SCARA3: variants seen among roughly 807,000 people sequenced by gnomAD.
The protein encoded by SCARA3 is scavenger receptor class A member 3.
Under a neutral mutation model 47.0 loss-of-function variants are expected in SCARA3, and 39 were observed. That is an observed-to-expected ratio of 0.83 (90% CI 0.64 to 1.08). The LOEUF (loss-of-function observed/expected upper bound fraction) is 1.08, where lower values mean the gene tolerates loss of function less well. Among genes scored for constraint, SCARA3 ranks in the 50% least tolerant of loss-of-function variants. SCARA3 has a pLI of 0.00. For synonymous variants in SCARA3, 356 were observed against 334.1 expected (o/e 1.07, Z -0.71); for missense variants, 724 against 792.3 (o/e 0.91, Z 1.04).
chr8:27,712,562 CA>C, the SCARA3 span, among the ~76,000 whole-genome samples: 12 of 107,228 alleles, frequency 1.1e-4, no homozygotes, highest in Admixed American at 3.2e-4. Flanking sequence ...GACTCCGTCT[CA>C]AAAAAAAAAA....
rs1801631770 is a variant in SCARA3 at position 27,651,535 on chromosome 8, GC to G, written c.136del (p.Gln46ArgfsTer44). The G allele has an allele frequency of 6.2e-7, 1 of 1,613,414 alleles. No homozygotes were observed. Among genetic ancestry groups the G allele is most frequent in the African/African-American group, 1.3e-5 (1 of 74,946 alleles). On this transcript the variant is annotated frameshift_variant, in exon 3 of 6. Transcript: ENST00000301904. LOFTEE classifies it high-confidence loss of function. The stretch of plus-strand genomic sequence containing the variant: ...CGGCCAGGGCCCCGCTGCAGCCGCT[GC>G]CAGAAGAACCTATCTTTGCACACAT... Reference protein sequence around the residue: ...KGRPGPRCSRCQKNLSLHTSV... With the variant: ...KGRPGPRCSRXQKNLSLHTSV...
chr8:27,682,404 T>C, the SCARA3 span, among the ~76,000 whole-genome samples: 2 of 152,238 alleles, frequency 1.3e-5, no homozygotes, highest in South Asian at 2.1e-4. Flanking sequence ...CCATAAAAAA[T>C]TGATAAGCTG....
At chr8:27,723,799 G>A in the SCARA3 span, among the ~76,000 whole-genome samples, 1 of 152,182 alleles carries the variant, frequency 6.6e-6, no homozygotes, top group African/African-American at 2.4e-5. Context: ...GCAACGGTGC[G>A]ATCTCAGCTC....
At chr8:27,655,185 G>A (rs771945189) in intron 3 of SCARA3, among the ~76,000 whole-genome samples, 2 of 152,094 alleles carry the variant, frequency 1.3e-5, no homozygotes, top group Non-Finnish European at 2.9e-5. Context: ...TAGAGTCATC[G>A]AGCTCCACAT....
chr8:27,720,682 A>G, the SCARA3 span, among the ~76,000 whole-genome samples: 1 of 151,568 alleles, frequency 6.6e-6, no homozygotes, highest in Non-Finnish European at 1.5e-5. Context: ...CCATCCATCC[A>G]TTCATCCACC....
intron 5 of SCARA3, among the ~76,000 whole-genome samples, chr8:27,663,029 A>G (rs1010206623): frequency 6.6e-6 from 1 of 152,170 alleles, no homozygotes; most frequent in Non-Finnish European, 1.5e-5. Flanking sequence ...CCTCTTCCCT[A>G]AATTTTATTG....
the SCARA3 span, among the ~76,000 whole-genome samples, chr8:27,733,068 A>G: frequency 6.6e-6 from 1 of 152,142 alleles, no homozygotes; most frequent in East Asian, 1.9e-4. Context: ...TCCAAGTACT[A>G]GTGTTCAAAT....
intron 1 of SCARA3, among the ~76,000 whole-genome samples, chr8:27,644,763 A>C (rs914549485): frequency 6.6e-6 from 1 of 152,202 alleles, no homozygotes; most frequent in Non-Finnish European, 1.5e-5. Flanking sequence ...GACACCCAGC[A>C]TGCTTCACAC....
intron 1 of SCARA3, among the ~76,000 whole-genome samples, chr8:27,635,055 T>A (rs984064803): frequency 6.6e-5 from 10 of 152,170 alleles, no homozygotes; most frequent in African/African-American, 1.7e-4. Context: ...GATGCTTGTG[T>A]TCCTAGCAGT....
chr8:27,709,738 G>A, the SCARA3 span, among the ~76,000 whole-genome samples: 1 of 152,120 alleles, frequency 6.6e-6, no homozygotes, highest in Non-Finnish European at 1.5e-5. Context: ...CATTTGCCAG[G>A]CCCCACCCAG....
At chr8:27,638,645 T>G (rs913019843) in intron 1 of SCARA3, among the ~76,000 whole-genome samples, 17 of 152,130 alleles carry the variant, frequency 1.1e-4, no homozygotes, top group Non-Finnish European at 2.5e-4. Flanking sequence ...CAAACAGCGA[T>G]GGGGCGACTG....
At chr8:27,675,422 A>G (rs1802259662), downstream of SCARA3, among the ~76,000 whole-genome samples, 1 of 152,218 alleles carries the variant, frequency 6.6e-6, no homozygotes. Flanking sequence ...GCAGGAGCAC[A>G]GGCCCTTTGT....
At chr8:27,723,265 C>T in the SCARA3 span, among the ~76,000 whole-genome samples, 1 of 152,238 alleles carries the variant, frequency 6.6e-6, no homozygotes, top group Non-Finnish European at 1.5e-5. Context: ...GATGCATCCA[C>T]AGCCCTGGGC....
At chr8:27,660,059 A>G (rs1801861052) in intron 5 of SCARA3, among the ~76,000 whole-genome samples, 1 of 151,438 alleles carries the variant, frequency 6.6e-6, no homozygotes, top group Admixed American at 6.6e-5. Context: ...CCTCTTTTTT[A>G]CTCCCTTCCC....
the SCARA3 span, among the ~76,000 whole-genome samples, chr8:27,725,271 G>C: frequency 6.6e-6 from 1 of 152,044 alleles, no homozygotes; most frequent in African/African-American, 2.4e-5. Flanking sequence ...AGGAGAGCTG[G>C]GGGGAAGCCA....
chr8:27,648,897 G>GAAGGA (rs35572827), intron 1 of SCARA3, among the ~76,000 whole-genome samples: 3 of 147,682 alleles, frequency 2.0e-5, no homozygotes, highest in East Asian at 4.0e-4. Context: ...AGGAAGGAAT[G>GAAGGA]AAGGAAAGGA....
chr8:27,651,681 C>A, intron 3 of SCARA3, 54 bp downstream of exon 3: 1 of 1,599,506 alleles, frequency 6.3e-7, no homozygotes, highest in African/African-American at 1.3e-5. Context: ...GATCAGGGAT[C>A]CAGCACCAAA....
intron 5 of SCARA3, among the ~76,000 whole-genome samples, chr8:27,659,962 T>C (rs538386594): frequency 1.3e-5 from 2 of 151,452 alleles, no homozygotes; most frequent in East Asian, 3.9e-4. Flanking sequence ...ACTTTGCCTA[T>C]TATACAAATC....
At chr8:27,700,484 G>A in the SCARA3 span, among the ~76,000 whole-genome samples, 1 of 152,090 alleles carries the variant, frequency 6.6e-6, no homozygotes, top group African/African-American at 2.4e-5. Context: ...GTGGGCTCCT[G>A]TAGTCCCAGC....
Sources: allele counts gnomAD v4.1 joint callset (sites outside exome capture counted in the v4.1 genomes callset), GRCh38; gene constraint gnomAD v4.1.1; transcripts MANE v1.5; gene names NCBI Gene and HGNC (gene_info 2026-07-23, HGNC 2026-07-21).